STAT2: variants seen among roughly 807,000 people sequenced by gnomAD.
STAT2 encodes signal transducer and activator of transcription 2.
Under a neutral mutation model 122.3 loss-of-function variants are expected in STAT2, and 51 were observed. That is an observed-to-expected ratio of 0.42 (90% CI 0.33 to 0.53). The LOEUF is 0.53. Among genes scored for constraint, STAT2 ranks in the 20% least tolerant of loss-of-function variants. STAT2 has a pLI of 0.10. For missense variants in STAT2, 736 were observed against 1,010.3 expected (o/e 0.73, Z 3.68); for synonymous variants, 351 against 394.9 (o/e 0.89, Z 1.32).
rs777637870 is a variant in STAT2 at position 56,348,980 on chromosome 12, TAGG to T, written c.1517_1519del (p.Ser506del). The stretch of plus-strand genomic sequence containing the variant: ...GTCTGAGTTGAGGCCTCGGCCAACA[TAGG>T]AGGAGAACTGCCAACTGAGAGCAGG... On this transcript the variant is annotated inframe_deletion, in exon 17 of 24. Coordinates refer to ENST00000314128, the MANE Select transcript of STAT2 (RefSeq NM_005419.4). 18 of 1,613,846 alleles carry T rather than the reference TAGG, an allele frequency of 1.1e-5. No homozygotes were observed. Among genetic ancestry groups the T allele is most frequent in the South Asian group, 2.2e-5 (2 of 91,028 alleles).
intron 18 of STAT2, 57 bp from the exon 19 acceptor site, chr12:56,348,680 G>A (rs369257522): frequency 9.9e-6 from 16 of 1,613,716 alleles, no homozygotes; most frequent in Non-Finnish European, 1.2e-5. Flanking sequence ...GTGTAGGGAA[G>A]GAGGGACGTG....
At chr12:56,355,401 G>C in intron 5 of STAT2, 42 bp downstream of exon 5, 1 of 1,614,074 alleles carries the variant, frequency 6.2e-7, no homozygotes, top group Non-Finnish European at 8.5e-7. Context: ...GGAGGTGTTA[G>C]GCTGAACGCT....
At position 56,343,966 on chromosome 12, in the gene STAT2, T is replaced by C. The variant is rs1565646209; in HGVS notation, c.2272A>G (p.Thr758Ala). Reference sequence around the variant, plus strand: ...GTGGGCTCTATCACAGGCTCCAGAGTGGACTCCAGCACAGACTCTAGCTCT... The same window carrying C: ...GTGGGCTCTATCACAGGCTCCAGAGCGGACTCCAGCACAGACTCTAGCTCT... ...GPELESVLES[T>A]LEPVIEPTLC... Residue 758 changes from threonine (T) to alanine (A), a missense_variant, in exon 23 of 24, where the codon ACT becomes GCT. Thr to Ala is a moderately conservative substitution (Grantham distance 58). Transcript: ENST00000314128. The C allele has an allele frequency of 1.2e-6, 2 of 1,614,000 alleles. No individual in the cohort carries two copies. Among genetic ancestry groups the C allele is most frequent in the Middle Eastern group, 1.6e-4 (1 of 6,062 alleles).
Position 56,341,936 on chromosome 12 carries a change from A to C in STAT2, c.*1453T>G, listed in dbSNP as rs1429719825. On this transcript the variant is annotated 3_prime_UTR_variant, in exon 24 of 24. Transcript: ENST00000314128. Reference sequence around the variant, plus strand: ...ACAAAAAAGGGAGGATGATAACATAATAGAGAAAGAGCTAAGACCCATTGC... The same window carrying C: ...ACAAAAAAGGGAGGATGATAACATACTAGAGAAAGAGCTAAGACCCATTGC... 6.6e-6 allele frequency: 1 copy of C among 152,206 alleles called. No homozygotes were observed. Among genetic ancestry groups the C allele is most frequent in the Non-Finnish European group, 1.5e-5 (1 of 68,036 alleles). 9.4% of individuals were successfully genotyped at this position (152,206 alleles called of 1,614,324 possible). A position where few individuals can be genotyped will look rare whatever the true frequency, so the allele number is the denominator to read the frequency against.
At chr12:56,352,277 AAAC>A (rs1387930606) in intron 8 of STAT2, 2 of 151,892 alleles carry the variant, frequency 1.3e-5, no homozygotes, top group Non-Finnish European at 2.9e-5. Context: ...GGTGACAGGA[AAAC>A]AACCATACAC....
chr12:56,353,830 C>T (rs1172386859), intron 8 of STAT2, among the ~76,000 whole-genome samples: 1 of 149,402 alleles, frequency 6.7e-6, no homozygotes, highest in Non-Finnish European at 1.5e-5. Context: ...ATCGTCTCTA[C>T]TAAAAATACA....
chr12:56,351,562 G>GA (rs1226618407), intron 8 of STAT2, 112 bp from the exon 9 acceptor site: 1,083 of 1,033,036 alleles, frequency 1.0e-3, no homozygotes, highest in Middle Eastern at 1.7e-3. Context: ...CTGGGGGGAA[G>GA]AAAAAAAAAG....
intron 12 of STAT2, 104 bp downstream of exon 12, chr12:56,350,308 T>C (rs931175915): frequency 2.8e-6 from 4 of 1,449,468 alleles, no homozygotes; most frequent in Non-Finnish European, 3.8e-6. Context: ...TTTGTCCATA[T>C]CCCAAATCCC....
intron 22 of STAT2, among the ~76,000 whole-genome samples, chr12:56,345,254 G>T (rs1323358067): frequency 6.7e-6 from 1 of 149,754 alleles, no homozygotes; most frequent in Admixed American, 6.7e-5. Flanking sequence ...AATTTGGGAG[G>T]CCAAGGCAGG....
chr12:56,355,555 C>T (rs1014851887), intron 4 of STAT2, 23 bp from the exon 5 acceptor site: 4 of 1,613,526 alleles, frequency 2.5e-6, no homozygotes, highest in Admixed American at 3.3e-5. Context: ...GCTCTGAGCA[C>T]GTTTTAACTC....
At chr12:56,354,016 A>AAAATATATATATAT (rs71081350) in intron 8 of STAT2, among the ~76,000 whole-genome samples, 1 of 16,694 alleles carries the variant, frequency 6.0e-5, no homozygotes, top group Non-Finnish European at 1.6e-4. Flanking sequence ...AAAAAAAAAA[A>AAAATATATATATAT]ATATATATAT....
intron 6 of STAT2, 123 bp from the exon 7 acceptor site, chr12:56,354,986 G>A: frequency 9.6e-7 from 1 of 1,039,850 alleles, no homozygotes; most frequent in Non-Finnish European, 1.4e-6. Context: ...CAAAGCACAG[G>A]CACCTGTGGG....
At chr12:56,348,010 G>C (rs1033747042) in intron 19 of STAT2, among the ~76,000 whole-genome samples, 1 of 151,312 alleles carries the variant, frequency 6.6e-6, no homozygotes, top group African/African-American at 2.4e-5. Context: ...TGAGATGAGA[G>C]AATTAATGAA....
intron 8 of STAT2, 109 bp from the exon 9 acceptor site, chr12:56,351,559 G>A (rs1878485253): frequency 8.5e-6 from 10 of 1,171,794 alleles, no homozygotes; most frequent in Middle Eastern, 6.0e-4. Context: ...TGACTGGGGG[G>A]AAGAAAAAAA....
At chr12:56,355,862 C>T (rs1439037465) in intron 3 of STAT2, 59 bp from the exon 4 acceptor site, 4 of 1,516,792 alleles carry the variant, frequency 2.6e-6, no homozygotes, top group South Asian at 2.2e-5. Context: ...GACCTATTGC[C>T]CTAGACCCTC....
intron 15 of STAT2, 21 bp downstream of exon 15, chr12:56,349,405 T>G: frequency 6.2e-7 from 1 of 1,614,194 alleles, no homozygotes; most frequent in Non-Finnish European, 8.5e-7. Flanking sequence ...TTCTCTCTCC[T>G]TGCCCTCCAT....
In STAT2 at chr12:56,346,086, G is replaced by A. The variant is rs1555169478; in HGVS notation, c.2102+60C>T. On this transcript the variant is annotated intron_variant, in intron 22 of 23. Coordinates refer to ENST00000314128, the MANE Select transcript of STAT2 (RefSeq NM_005419.4). ...GGAGAAGGTAATGCCCCCTTTTGAC[G>A]ATTCACTGAAGCAGAGCCAAAAAGG... 1.6e-5 allele frequency: 25 copies of A among 1,612,768 alleles called. No homozygotes were observed. In the Middle Eastern group the frequency reaches 5.0e-4, roughly 32 times the overall value.
At chr12:56,358,247 T>C (rs1879829690) in intron 1 of STAT2, among the ~76,000 whole-genome samples, 1 of 150,284 alleles carries the variant, frequency 6.7e-6, no homozygotes, top group Non-Finnish European at 1.5e-5. Flanking sequence ...TTTTTCTTTT[T>C]TTTTTTTTCT....
chr12:56,343,978 CA>C lies in STAT2; in HGVS notation c.2259del (p.Val754CysfsTer9). ...ACAGGCTCCAGAGTGGACTCCAGCA[CA>C]GACTCTAGCTCTGGCCCCAGATCCA... ...AGLDLGPELE[S>X]VLESTLEPVI... is the part of the protein sequence containing the mutation. On this transcript the variant is annotated frameshift_variant, in exon 23 of 24. Coordinates refer to ENST00000314128, the MANE Select transcript of STAT2 (RefSeq NM_005419.4). LOFTEE classifies it high-confidence loss of function. 6.2e-7 allele frequency: 1 copy of C among 1,614,178 alleles called. No individual in the cohort carries two copies. The highest frequency in any genetic ancestry group is 8.5e-7 in the Non-Finnish European group (1 of 1,180,018).
Sources: gnomAD v4.1 joint callset for allele counts (sites outside exome capture counted in the v4.1 genomes callset) on GRCh38, gnomAD v4.1.1 for gene constraint, MANE v1.5 for transcripts, NCBI Gene and HGNC (gene_info 2026-07-23, HGNC 2026-07-21) for gene names.